Variants in ZNF609 observed in about 807,000 individuals in gnomAD.
The protein encoded by ZNF609 is zinc finger protein 609.
A neutral mutation model predicts 109.5 loss-of-function variants in ZNF609; 11 were observed. That is an observed-to-expected ratio of 0.10 (90% CI 0.06 to 0.17). The LOEUF is 0.17. Ranked by LOEUF, ZNF609 falls within the 10% of genes least tolerant of loss-of-function variation. ZNF609 has a pLI of 1.00. For missense variants in ZNF609, 1,559 were observed against 1,772.4 expected (o/e 0.88, Z 2.16); for synonymous variants, 646 against 662.0 (o/e 0.98, Z 0.37).
At chr15:64,492,940 C>A (rs1893434864) in intron 1 of ZNF609, among the ~76,000 whole-genome samples, 1 of 152,144 alleles carries the variant, frequency 6.6e-6, no homozygotes, top group South Asian at 2.1e-4. Context: ...CTAGACAGCC[C>A]TAATATCCAT....
chr15:64,461,028 G>A, intron 1 of ZNF609, among the ~76,000 whole-genome samples, 190 bp downstream of exon 1: 1 of 138,116 alleles, frequency 7.2e-6, no homozygotes, highest in African/African-American at 2.7e-5. Context: ...CGTGGGTGGG[G>A]GAGGGGGCGT....
chr15:64,585,328 A>G lies in ZNF609; in HGVS notation c.748-37499A>G, dbSNP rs534255252. ...TGACAGAGCGAGACTCTGGGGAAAA[A>G]AAAAATCCAACCTGAGCTTGATTCA... On this transcript the variant is annotated intron_variant, in intron 2 of 9. Transcript: ENST00000326648. 2.0e-5 allele frequency among the ~76,000 whole-genome samples: 3 copies of G among 152,208 alleles called. No individual in the cohort carries two copies. The East Asian group carries it at 5.8e-4, about 29-fold the overall frequency.
intron 2 of ZNF609, among the ~76,000 whole-genome samples, chr15:64,583,507 C>T (rs1895146586): frequency 6.6e-6 from 1 of 152,084 alleles, no homozygotes; most frequent in Admixed American, 6.6e-5. Flanking sequence ...CATCCACCTT[C>T]CAGCATCTGT....
At chr15:64,513,921 G>T (rs779726057) in intron 2 of ZNF609, among the ~76,000 whole-genome samples, 1 of 151,942 alleles carries the variant, frequency 6.6e-6, no homozygotes, top group African/African-American at 2.4e-5. Flanking sequence ...GGGAGGGCCT[G>T]TCTGTACAAA....
At chr15:64,615,698 G>A (rs1224442967) in intron 2 of ZNF609, among the ~76,000 whole-genome samples, 1 of 152,052 alleles carries the variant, frequency 6.6e-6, no homozygotes, top group Non-Finnish European at 1.5e-5. Flanking sequence ...TGTTGGTCAG[G>A]CTGGTCTTGA....
intron 1 of ZNF609, among the ~76,000 whole-genome samples, chr15:64,489,564 C>T (rs1893382904): frequency 7.0e-6 from 1 of 142,596 alleles, no homozygotes; most frequent in African/African-American, 2.6e-5. Context: ...GAGTCTCGCT[C>T]TGTCACCCAG....
intron 1 of ZNF609, among the ~76,000 whole-genome samples, chr15:64,464,862 C>T (rs1892989751): frequency 6.6e-6 from 1 of 152,190 alleles, no homozygotes; most frequent in Admixed American, 6.5e-5. Context: ...TGAAGAATCA[C>T]ATGCCACAGT....
intron 3 of ZNF609, among the ~76,000 whole-genome samples, chr15:64,627,864 T>C (rs919668227): frequency 1.3e-5 from 2 of 150,902 alleles, no homozygotes; most frequent in Non-Finnish European, 3.0e-5. Flanking sequence ...CTTGCTATGT[T>C]GTGCAGACTG....
At chr15:64,643,433 CT>C (rs1388493339) in intron 3 of ZNF609, among the ~76,000 whole-genome samples, 1 of 152,170 alleles carries the variant, frequency 6.6e-6, no homozygotes, top group Non-Finnish European at 1.5e-5. Flanking sequence ...CCTCCTTGCC[CT>C]TACTCCGAAC....
chr15:64,641,875 G>A (rs999098778), intron 3 of ZNF609, among the ~76,000 whole-genome samples: 1 of 152,172 alleles, frequency 6.6e-6, no homozygotes, highest in Non-Finnish European at 1.5e-5. Flanking sequence ...CCTGGATAGT[G>A]TATAGATTCT....
chr15:64,475,222 A>G (rs970718516), intron 1 of ZNF609, among the ~76,000 whole-genome samples: 1 of 148,496 alleles, frequency 6.7e-6, no homozygotes, highest in African/African-American at 2.5e-5. Context: ...CTCCCAGGAC[A>G]GTTAACTCCC....
chr15:64,509,039 T>G (rs1328718640), intron 2 of ZNF609, among the ~76,000 whole-genome samples: 1 of 152,182 alleles, frequency 6.6e-6, no homozygotes, highest in Non-Finnish European at 1.5e-5. Flanking sequence ...CTGTTGATTG[T>G]GATACACACT....
At chr15:64,490,394 C>T (rs1893398020) in intron 1 of ZNF609, among the ~76,000 whole-genome samples, 1 of 152,010 alleles carries the variant, frequency 6.6e-6, no homozygotes, top group African/African-American at 2.4e-5. Context: ...CTGCCTCAGC[C>T]TCCCTAGTAG....
At chr15:64,467,325 A>C (rs756634161) in intron 1 of ZNF609, among the ~76,000 whole-genome samples, 1 of 152,022 alleles carries the variant, frequency 6.6e-6, no homozygotes, top group African/African-American at 2.4e-5. Flanking sequence ...TCCATTTTTC[A>C]GGAATACTTC....
intron 2 of ZNF609, among the ~76,000 whole-genome samples, chr15:64,612,294 C>T (rs1207972005): frequency 6.6e-6 from 1 of 151,708 alleles, no homozygotes; most frequent in Non-Finnish European, 1.5e-5. Flanking sequence ...ACTACAGGTG[C>T]CCGCCACCAC....
chr15:64,468,090 C>T (rs533901192), intron 1 of ZNF609, among the ~76,000 whole-genome samples: 2 of 151,344 alleles, frequency 1.3e-5, no homozygotes, highest in East Asian at 2.0e-4. Flanking sequence ...GATCACAGCT[C>T]ACTGCAGGCT....
intron 2 of ZNF609, among the ~76,000 whole-genome samples, chr15:64,520,497 G>A (rs971194500): frequency 6.6e-6 from 1 of 152,108 alleles, no homozygotes; most frequent in Non-Finnish European, 1.5e-5. Context: ...TGTTGTTTCC[G>A]TAGAAAGTAG....
chr15:64,468,924 T>C (rs1246399913), intron 1 of ZNF609, among the ~76,000 whole-genome samples: 1 of 151,368 alleles, frequency 6.6e-6, no homozygotes, highest in Non-Finnish European at 1.5e-5. Context: ...GATACCAAGA[T>C]TGAGAGTCAG....
chr15:64,675,754 T>C lies in ZNF609; in HGVS notation c.2900T>C (p.Met967Thr). ...TCGGTCATCCAGCAGCGTCCCAATA[T>C]GTACATGCAGTCCCTGTACTACAAC... ...QPSVIQQRPN[M>T]YMQSLYYNQY... Residue 967 changes from methionine to threonine, a missense_variant, in exon 5 of 10, where the codon ATG (methionine) becomes ACG (threonine). By Grantham distance (81) the Met-to-Thr change is moderately conservative (BLOSUM62 -1). Coordinates refer to ENST00000326648, the MANE Select transcript of ZNF609 (RefSeq NM_015042.2). 6.2e-7 allele frequency: 1 copy of C among 1,614,190 alleles called. No individual in the cohort carries two copies. Among genetic ancestry groups the C allele is most frequent in the Non-Finnish European group, 8.5e-7 (1 of 1,180,048 alleles).
Sources: allele counts gnomAD v4.1 joint callset (sites outside exome capture counted in the v4.1 genomes callset), GRCh38; gene constraint gnomAD v4.1.1; transcripts MANE v1.5; gene names NCBI Gene and HGNC (gene_info 2026-07-23, HGNC 2026-07-21).